Variants in RBFOX1 observed in about 807,000 individuals in gnomAD.
RBFOX1 encodes the protein RNA binding fox-1 homolog 1, also known as RNA binding protein fox-1 homolog 1.
A neutral mutation model predicts 57.7 loss-of-function variants in RBFOX1; 8 were observed. The observed-to-expected ratio is 0.14, with a 90% CI of 0.08 to 0.25. The LOEUF is 0.25. Ranked by LOEUF, RBFOX1 falls within the 10% of genes least tolerant of loss-of-function variation. The pLI is 1.00. For synonymous variants in RBFOX1, 326 were observed against 222.4 expected (o/e 1.47, Z -4.15); for missense variants, 611 against 548.5 (o/e 1.11, Z -1.14).
At chr16:6,151,728 G>A (rs953633401) in intron 1 of RBFOX1, among the ~76,000 whole-genome samples, 1 of 152,192 alleles carries the variant, frequency 6.6e-6, no homozygotes, top group Non-Finnish European at 1.5e-5. Context: ...CTGTGAACCA[G>A]GAAAACTACA....
intron 1 of RBFOX1, among the ~76,000 whole-genome samples, chr16:5,435,430 C>T (rs2067885777): frequency 6.6e-6 from 1 of 152,146 alleles, no homozygotes; most frequent in Admixed American, 6.5e-5. Flanking sequence ...ACTGGTCAAT[C>T]CCTTCCCAAC....
intron 2 of RBFOX1, among the ~76,000 whole-genome samples, chr16:6,509,383 C>A (rs1363447724): frequency 6.6e-6 from 1 of 152,148 alleles, no homozygotes; most frequent in Non-Finnish European, 1.5e-5. Context: ...TCATTTGCAA[C>A]AACATAGATG....
intron 4 of RBFOX1, among the ~76,000 whole-genome samples, chr16:5,986,866 G>T (rs2060296399): frequency 2.0e-5 from 3 of 152,176 alleles, no homozygotes; most frequent in Non-Finnish European, 2.9e-5. Flanking sequence ...ATATAAAGTT[G>T]TAATTTCTTT....
In RBFOX1 at chr16:7,247,406, C is replaced by G. The variant is rs557460949; in HGVS notation, c.27+195308C>G. ...AGGTGGAGAAGGAGCAAATACTCCT[C>G]TATGGTGATCTACCACACACTAAGA... is the stretch of plus-strand genomic sequence containing the variant. On this transcript the variant is annotated intron_variant, in intron 4 of 15. Transcript: ENST00000550418. 2.0e-5 allele frequency among the ~76,000 whole-genome samples: 3 copies of G among 152,232 alleles called. No individual in the cohort carries two copies. In the South Asian group the frequency reaches 6.2e-4, roughly 32 times the overall value.
chr16:6,262,250 T>A (rs909083976), intron 1 of RBFOX1, among the ~76,000 whole-genome samples: 2 of 152,082 alleles, frequency 1.3e-5, no homozygotes, highest in African/African-American at 2.4e-5. Flanking sequence ...TCGGGAAAGT[T>A]AAGTCACATT....
chr16:7,440,309 G>C (rs1237740998), intron 4 of RBFOX1, among the ~76,000 whole-genome samples: 1 of 152,164 alleles, frequency 6.6e-6, no homozygotes, highest in Non-Finnish European at 1.5e-5. Flanking sequence ...AGCCAGGTAG[G>C]TATGTGAACT....
chr16:6,672,764 C>G (rs1270677904), intron 3 of RBFOX1, among the ~76,000 whole-genome samples: 7 of 152,140 alleles, frequency 4.6e-5, no homozygotes, highest in Admixed American at 2.6e-4. Flanking sequence ...GTTAGTCATA[C>G]CTTCTACCAA....
intron 2 of RBFOX1, among the ~76,000 whole-genome samples, chr16:6,429,073 G>A (rs1183788117): frequency 6.6e-6 from 1 of 152,206 alleles, no homozygotes; most frequent in East Asian, 1.9e-4. Flanking sequence ...CCACTGATTA[G>A]GCAGGCATCC....
intron 4 of RBFOX1, among the ~76,000 whole-genome samples, chr16:7,264,512 T>C (rs2095053766): frequency 6.6e-6 from 1 of 152,206 alleles, no homozygotes; most frequent in African/African-American, 2.4e-5. Flanking sequence ...TGTTAGTCTT[T>C]GCTGACCACG....
rs869240597 is a variant in RBFOX1, at chr16:5,651,040, CTTTTTTTTTTTT to C, written c.318+52098_318+52109del. On this transcript the variant is annotated intron_variant, in intron 3 of 19. Transcript: ENST00000641259. ...TCCTCTGGGAGAACACTACCTCCTT[CTTTTTTTTTTTT>C]TTTTTTTTTTTTTTTTTTGAGACAG... is the stretch of plus-strand genomic sequence containing the variant. Among the ~76,000 whole-genome samples, 74 of 56,894 alleles carry C rather than the reference CTTTTTTTTTTTT, an allele frequency of 1.3e-3. 1 individual carries two copies. The highest frequency in any genetic ancestry group is 2.9e-3 in the East Asian group (5 of 1,724). 37.3% of individuals were successfully genotyped at this position (56,894 alleles called of 152,430 possible).
At chr16:6,162,167 G>C (rs913463100) in intron 1 of RBFOX1, among the ~76,000 whole-genome samples, 3 of 151,996 alleles carry the variant, frequency 2.0e-5, no homozygotes, top group Non-Finnish European at 4.4e-5. Context: ...ACCCAGGCTG[G>C]AGTGCAGTGG....
intron 1 of RBFOX1, among the ~76,000 whole-genome samples, chr16:5,305,744 C>G (rs567960676): frequency 5.3e-5 from 8 of 152,198 alleles, no homozygotes; most frequent in Admixed American, 1.3e-4. Context: ...TTTTAAACAG[C>G]GAATTATACT....
chr16:6,236,994 C>G (rs1470612886), intron 1 of RBFOX1, among the ~76,000 whole-genome samples: 1 of 152,126 alleles, frequency 6.6e-6, no homozygotes, highest in African/African-American at 2.4e-5. Context: ...CATCTCTAAA[C>G]AAACTCAGGG....
At chr16:6,080,831 C>T (rs1204971044) in intron 1 of RBFOX1, among the ~76,000 whole-genome samples, 2 of 152,168 alleles carry the variant, frequency 1.3e-5, no homozygotes, top group African/African-American at 2.4e-5. Flanking sequence ...TTTCAGTGCC[C>T]TTTGATGTGT....
intron 3 of RBFOX1, among the ~76,000 whole-genome samples, chr16:6,744,561 C>CT (rs1287477098): frequency 6.6e-6 from 1 of 151,880 alleles, no homozygotes; most frequent in Non-Finnish European, 1.5e-5. Context: ...TCTCCAAACA[C>CT]TTGGAGAATA....
chr16:6,440,515 G>A (rs999890651), intron 2 of RBFOX1, among the ~76,000 whole-genome samples: 1 of 152,058 alleles, frequency 6.6e-6, no homozygotes, highest in Non-Finnish European at 1.5e-5. Context: ...AAGACTAAAA[G>A]GATTGGCCGG....
chr16:5,556,277 C>T (rs1461450513), intron 2 of RBFOX1, among the ~76,000 whole-genome samples: 3 of 152,084 alleles, frequency 2.0e-5, no homozygotes, highest in Non-Finnish European at 4.4e-5. Context: ...CTGTAGAAAG[C>T]GCTATCAAAG....
chr16:7,697,662 C>T (rs979369557), intron 14 of RBFOX1, among the ~76,000 whole-genome samples: 2 of 152,092 alleles, frequency 1.3e-5, no homozygotes, highest in Admixed American at 1.3e-4. Flanking sequence ...TAGTAGCTTG[C>T]CCAGTCACAC....
chr16:6,098,410 C>G (rs1381893611), intron 1 of RBFOX1, among the ~76,000 whole-genome samples: 1 of 152,214 alleles, frequency 6.6e-6, no homozygotes, highest in African/African-American at 2.4e-5. Context: ...TCTATCAATG[C>G]CCACTTGCAC....
Sources: allele counts gnomAD v4.1 joint callset (sites outside exome capture counted in the v4.1 genomes callset), GRCh38; gene constraint gnomAD v4.1.1; transcripts MANE v1.5; gene names NCBI Gene and HGNC (gene_info 2026-07-23, HGNC 2026-07-21).